Variants in TECPR1 observed in about 807,000 individuals in gnomAD.
TECPR1 encodes tectonin beta-propeller repeat containing 1, also known as tectonin beta-propeller repeat-containing protein 1.
In TECPR1, 122 loss-of-function variants were observed where a neutral mutation model predicts 162.4. The ratio of observed to expected loss-of-function variants is 0.75; its 90% CI spans 0.65 to 0.87. The LOEUF (loss-of-function observed/expected upper bound fraction) is 0.87. Ranked by LOEUF, TECPR1 falls within the 40% of genes least tolerant of loss-of-function variation. The pLI is 0.00. For synonymous variants in TECPR1, 642 were observed against 670.6 expected (o/e 0.96, Z 0.66); for missense variants, 1,432 against 1,618.2 (o/e 0.88, Z 1.97).
Position 98,236,940 on chromosome 7 carries a change from G to A in TECPR1, c.1036-19C>T, listed in dbSNP as rs1394156574. 4.6e-6 allele frequency: 7 copies of A among 1,521,176 alleles called. No homozygotes were observed. The highest frequency in any genetic ancestry group is 1.4e-5 in the African/African-American group (1 of 72,200). 94.2% of individuals were successfully genotyped at this position (1,521,176 alleles called of 1,614,324 possible). On this transcript the variant is annotated intron_variant, in intron 9 of 25. Transcript: ENST00000447648. ...CCCACACCTGGAAGAGAGAGGCTGT[G>A]TTCCGAGGAATCTGGGCGCAGGCCC...
intron 15 of TECPR1, among the ~76,000 whole-genome samples, chr7:98,229,965 C>A (rs60327699): frequency 0.19 from 28,056 of 149,364 alleles, 2,865 homozygotes; most frequent in East Asian, 0.27. Context: ...GATCCCCCCC[C>A]CAGGGAACCT....
At position 98,218,174 on chromosome 7, in the gene TECPR1, G is replaced by A. The variant is rs1034538183; in HGVS notation, c.3158-132C>T. The stretch of plus-strand genomic sequence containing the variant: ...TGGGAAGCTGCTGGGGAGGCAGGAG[G>A]GTCCTGGCCCCTGAGTCAGGGCCAC... On this transcript the variant is annotated intron_variant, in intron 23 of 25. Transcript: ENST00000447648. 10 of 694,406 alleles carry A rather than the reference G, an allele frequency of 1.4e-5. No individual in the cohort carries two copies. The African/African-American group carries it at 1.8e-4, about 12-fold the overall frequency. 43.0% of individuals were successfully genotyped at this position (694,406 alleles called of 1,614,324 possible).
Position 98,222,467 on chromosome 7 carries a change from C to A in TECPR1, c.2983G>T (p.Gly995Trp). The A allele has an allele frequency of 6.3e-7, 1 of 1,595,488 alleles. No individual in the cohort carries two copies. Among genetic ancestry groups the A allele is most frequent in the Non-Finnish European group, 8.5e-7 (1 of 1,172,124 alleles). ...TDQPFASISIGACYQVWAVAR... is the reference protein window; with the variant it reads ...TDQPFASISIWACYQVWAVAR... ...ACGGCCCACACCTGGTAGCAGGCCC[C>A]GATGGAGATGGAGGCGAAGGGCTGG... Residue 995 changes from glycine (G) to tryptophan (W), a missense_variant, in exon 22 of 26, where the codon GGG becomes TGG. Transcript: ENST00000447648.
chr7:98,224,601 G>A (rs1798228111), intron 19 of TECPR1, among the ~76,000 whole-genome samples, 200 bp downstream of exon 19: 1 of 152,174 alleles, frequency 6.6e-6, no homozygotes, highest in Non-Finnish European at 1.5e-5. Context: ...ACGTGTGCAG[G>A]GAGCACTCCC....
chr7:98,217,893 A>T, intron 24 of TECPR1, 43 bp downstream of exon 24: 1 of 1,546,540 alleles, frequency 6.5e-7, no homozygotes, highest in Non-Finnish European at 8.7e-7. Context: ...CAGAGAGGGA[A>T]CCAGAGCACC....
chr7:98,242,877 C>G (rs1798795006), intron 6 of TECPR1, among the ~76,000 whole-genome samples: 1 of 105,834 alleles, frequency 9.4e-6, no homozygotes, highest in Non-Finnish European at 2.1e-5. Flanking sequence ...CCCACCTATC[C>G]ATCTACCCAT....
At chr7:98,226,051 G>A (rs146646989) in intron 17 of TECPR1, among the ~76,000 whole-genome samples, 5 of 152,284 alleles carry the variant, frequency 3.3e-5, no homozygotes, top group East Asian at 3.9e-4. Context: ...CCTGGAGAAC[G>A]CAGCTGGGGC....
chr7:98,227,920 G>A (rs530437859), intron 17 of TECPR1, 94 bp downstream of exon 17: 2 of 975,524 alleles, frequency 2.1e-6, no homozygotes, highest in African/African-American at 3.2e-5. Flanking sequence ...AGGCTCTACT[G>A]GACTCCACGC....
intron 23 of TECPR1, among the ~76,000 whole-genome samples, chr7:98,219,619 C>T (rs1000585491): frequency 5.3e-5 from 8 of 152,156 alleles, no homozygotes; most frequent in Admixed American, 1.3e-4. Context: ...AGAAGATATG[C>T]GGCTGGGCGC....
intron 11 of TECPR1, 126 bp downstream of exon 11, chr7:98,233,295 C>A (rs1039614277): frequency 4.0e-5 from 50 of 1,251,342 alleles, no homozygotes; most frequent in Admixed American, 3.1e-4. Flanking sequence ...AGCTGCTGAG[C>A]ACAGTGAGGC....
In TECPR1 at chr7:98,241,613, A is replaced by G. The variant is rs565486201; in HGVS notation, c.658-369T>C. On this transcript the variant is annotated intron_variant, in intron 6 of 25. Transcript: ENST00000447648. The surrounding 1 kb of genome is among the most constrained non-coding windows in gnomAD (Gnocchi z 5.0). ...AGGGGAGGCTCCAACTCCCATTCAT[A>G]AACTATCTAAGACGTCAGTTCTTTT... Among the ~76,000 whole-genome samples, 1 of 152,292 alleles carries G rather than the reference A, an allele frequency of 6.6e-6. No homozygotes were observed. The highest frequency in any genetic ancestry group is 6.5e-5 in the Admixed American group (1 of 15,298).
rs576824184 is a variant in TECPR1 at position 98,222,307 on chromosome 7, G to A, written c.3064+79C>T. On this transcript the variant is annotated intron_variant, in intron 22 of 25. Transcript: ENST00000447648. ...GAAGTCCCAGCTTCTGGGGGACCCT[G>A]GCCCAGAGGGGATGTTCAGCAAACA... is the stretch of plus-strand genomic sequence containing the variant. 2.0e-3 allele frequency: 3,002 copies of A among 1,514,114 alleles called. 11 individuals are homozygous for A. The highest frequency in any genetic ancestry group is 4.7e-3 in the Middle Eastern group (27 of 5,690). 93.8% of individuals were successfully genotyped at this position (1,514,114 alleles called of 1,614,324 possible).
chr7:98,219,170 T>C (rs899367562), intron 23 of TECPR1, among the ~76,000 whole-genome samples: 3 of 152,068 alleles, frequency 2.0e-5, no homozygotes, highest in Non-Finnish European at 4.4e-5. Flanking sequence ...TGGTGCTGGG[T>C]AAACTGGATA....
At chr7:98,239,307 T>G (rs951582901) in intron 8 of TECPR1, among the ~76,000 whole-genome samples, 1 of 152,106 alleles carries the variant, frequency 6.6e-6, no homozygotes, top group Non-Finnish European at 1.5e-5. Flanking sequence ...TCCCAACACT[T>G]TGGGAGGCTG....
intron 17 of TECPR1, among the ~76,000 whole-genome samples, chr7:98,227,491 A>G (rs937459677): frequency 2.0e-5 from 3 of 152,074 alleles, no homozygotes; most frequent in Non-Finnish European, 2.9e-5. Context: ...AAGGAATTAC[A>G]TACATTTCTT....
rs376386211 is a variant in TECPR1 at position 98,223,010 on chromosome 7, C to A, written c.2908G>T (p.Val970Leu). The change falls in exon 21 of 26, where the codon GTG (valine) becomes TTG (leucine). Residue 970 changes from valine to leucine, a missense_variant. Physicochemically the swap from Val to Leu is conservative, Grantham distance 32. Transcript: ENST00000447648. ...CTCACCGCAGGGTTGAGCTCCGACA[C>A]GCCCAGGCGGCACAGCACATCCCCC... ...DKGDVLCRLG[V>L]SELNPAGSSW... 1.9e-6 allele frequency: 3 copies of A among 1,611,914 alleles called. No homozygotes were observed. Among genetic ancestry groups the A allele is most frequent in the East Asian group, 2.2e-5 (1 of 44,840 alleles).
intron 2 of TECPR1, among the ~76,000 whole-genome samples, chr7:98,249,806 G>A (rs965147163): frequency 9.9e-5 from 15 of 151,740 alleles, no homozygotes; most frequent in Non-Finnish European, 8.8e-5. Flanking sequence ...AAAATTAGCC[G>A]GCTTGGGAGG....
Position 98,233,596 on chromosome 7 carries a change from G to A in TECPR1, c.1497C>T (p.Pro499=). Reference sequence around the variant, plus strand: ...CGGGGAAGCCAGCGGCCGAGTGGCTGGGCACTTTCTTGGCCTCCTTGAGGT... The same window carrying A: ...CGGGGAAGCCAGCGGCCGAGTGGCTAGGCACTTTCTTGGCCTCCTTGAGGT... ...NIDLKEAKKV[P]SHSAAGFPET... Residue 499 remains proline, a synonymous_variant, in exon 11 of 26, where the codon CCC becomes CCT. Transcript: ENST00000447648. 4 of 1,590,476 alleles carry A rather than the reference G, an allele frequency of 2.5e-6. No individual in the cohort carries two copies. Among genetic ancestry groups the A allele is most frequent in the Non-Finnish European group, 3.4e-6 (4 of 1,170,410 alleles).
At chr7:98,251,789 C>T (rs1198588966) in intron 1 of TECPR1, 1 of 152,258 alleles carries the variant, frequency 6.6e-6, no homozygotes, top group Non-Finnish European at 1.5e-5. Context: ...CCCATCAATA[C>T]CCAGGGAGAG....
Sources: allele counts gnomAD v4.1 joint callset (sites outside exome capture counted in the v4.1 genomes callset), GRCh38; gene constraint gnomAD v4.1.1; non-coding constraint Gnocchi (gnomAD v3.1); transcripts MANE v1.5; gene names NCBI Gene and HGNC (gene_info 2026-07-23, HGNC 2026-07-21).